NRG3: variants seen among roughly 807,000 people sequenced by gnomAD.
The protein encoded by NRG3 is pro-neuregulin-3, membrane-bound isoform.
Under a neutral mutation model 66.9 loss-of-function variants are expected in NRG3, and 31 were observed. That is an observed-to-expected ratio of 0.46 (90% CI 0.35 to 0.63). The LOEUF is 0.63. Among genes scored for constraint, NRG3 ranks in the 20% least tolerant of loss-of-function variants. NRG3 has a pLI of 0.00. For missense variants in NRG3, 910 were observed against 878.9 expected, an observed-to-expected ratio of 1.04 and a Z score of -0.45; for synonymous variants, 393 against 359.4, an observed-to-expected ratio of 1.09 and a Z score of -1.06.
At chr10:82,013,918 A>G (rs2061682214) in intron 1 of NRG3, among the ~76,000 whole-genome samples, 1 of 152,202 alleles carries the variant, frequency 6.6e-6, no homozygotes, top group Non-Finnish European at 1.5e-5. Flanking sequence ...ATAAATTAAC[A>G]AACTTTAATA....
At chr10:82,487,885 A>T (rs1478653597) in intron 2 of NRG3, among the ~76,000 whole-genome samples, 1 of 152,202 alleles carries the variant, frequency 6.6e-6, no homozygotes, top group Admixed American at 6.5e-5. Context: ...TATATTGATT[A>T]CAGTCTCTTT....
chr10:82,343,297 A>G (rs2082779356), intron 1 of NRG3, among the ~76,000 whole-genome samples: 1 of 152,140 alleles, frequency 6.6e-6, no homozygotes, highest in Non-Finnish European at 1.5e-5. Context: ...CAAGAACTCA[A>G]TCCTATTTAC....
At chr10:82,756,202 A>T (rs1408292044) in intron 3 of NRG3, among the ~76,000 whole-genome samples, 2 of 151,990 alleles carry the variant, frequency 1.3e-5, no homozygotes, top group African/African-American at 4.8e-5. Context: ...GTGAGCTCTT[A>T]TCCATCATTC....
chr10:81,921,169 CAAAT>C (rs1212729001), intron 1 of NRG3, among the ~76,000 whole-genome samples: 1 of 151,712 alleles, frequency 6.6e-6, no homozygotes, highest in East Asian at 1.9e-4. Context: ...AATAAATAAA[CAAAT>C]AAAAGCCTTT....
At chr10:82,474,050 G>C (rs1370030437) in intron 2 of NRG3, among the ~76,000 whole-genome samples, 1 of 152,018 alleles carries the variant, frequency 6.6e-6, no homozygotes, top group African/African-American at 2.4e-5. Context: ...TACATGTTCA[G>C]AACAGTCCCT....
intron 1 of NRG3, among the ~76,000 whole-genome samples, chr10:81,964,930 T>C (rs1156359148): frequency 6.6e-6 from 1 of 152,246 alleles, no homozygotes; most frequent in African/African-American, 2.4e-5. Flanking sequence ...GAAGTGTATA[T>C]GTTTTCTTGA....
At chr10:82,412,878 A>T (rs1345072342) in intron 2 of NRG3, among the ~76,000 whole-genome samples, 1 of 152,154 alleles carries the variant, frequency 6.6e-6, no homozygotes, top group Non-Finnish European at 1.5e-5. Context: ...CTAAGAAACA[A>T]TGCATTATTT....
intron 1 of NRG3, among the ~76,000 whole-genome samples, chr10:82,113,900 AT>A (rs1193545050): frequency 6.6e-6 from 1 of 152,190 alleles, no homozygotes; most frequent in Non-Finnish European, 1.5e-5. Context: ...ATTTACAAAG[AT>A]CTTAAATATT....
chr10:82,891,539 G>A (rs1591844634), intron 4 of NRG3, among the ~76,000 whole-genome samples: 1 of 151,536 alleles, frequency 6.6e-6, no homozygotes, highest in Admixed American at 6.6e-5. Context: ...TAGTTTTTTT[G>A]ATGTTATTGT....
intron 3 of NRG3, among the ~76,000 whole-genome samples, chr10:82,817,806 A>C (rs2061778561): frequency 6.6e-6 from 1 of 152,226 alleles, no homozygotes; most frequent in Admixed American, 6.5e-5. Context: ...AGCAGCTTTT[A>C]CATGGTAGCT....
chr10:82,938,107 CTGAT>C (rs566114324), intron 4 of NRG3, among the ~76,000 whole-genome samples: 7 of 152,084 alleles, frequency 4.6e-5, no homozygotes, highest in Admixed American at 3.9e-4. Context: ...CCTTGATTGA[CTGAT>C]TGATTGATTG....
chr10:82,225,849 T>C (rs2076139647), intron 1 of NRG3, among the ~76,000 whole-genome samples: 1 of 152,184 alleles, frequency 6.6e-6, no homozygotes, highest in Admixed American at 6.5e-5. Context: ...GTTATTTGTG[T>C]TTTAATTCTA....
intron 1 of NRG3, among the ~76,000 whole-genome samples, chr10:81,883,363 T>C (rs939109448): frequency 6.6e-6 from 1 of 152,224 alleles, no homozygotes; most frequent in Non-Finnish European, 1.5e-5. Flanking sequence ...TATAAGCTTT[T>C]ATTTCTCAAG....
intron 1 of NRG3, among the ~76,000 whole-genome samples, chr10:81,958,853 T>C (rs1052068780): frequency 6.6e-6 from 1 of 151,788 alleles, no homozygotes; most frequent in Admixed American, 6.6e-5. Flanking sequence ...CAAGCCCCAC[T>C]ACACTCCAGC....
intron 2 of NRG3, among the ~76,000 whole-genome samples, chr10:82,374,310 G>T (rs549170926): frequency 2.6e-5 from 4 of 152,280 alleles, no homozygotes; most frequent in African/African-American, 9.6e-5. Flanking sequence ...CAGAGGGAAG[G>T]TCGCTTCCTC....
intron 4 of NRG3, among the ~76,000 whole-genome samples, chr10:82,903,798 G>A (rs1844462034): frequency 6.6e-6 from 1 of 152,122 alleles, no homozygotes; most frequent in South Asian, 2.1e-4. Context: ...AATTTGATGG[G>A]AGTTAAAAGT....
intron 2 of NRG3, among the ~76,000 whole-genome samples, chr10:82,530,023 A>G (rs541737322): frequency 6.6e-6 from 1 of 152,284 alleles, no homozygotes; most frequent in Non-Finnish European, 1.5e-5. Context: ...TAAGGCCAAT[A>G]TGGGAATTTC....
chr10:82,197,160 T>C (rs1437685900), intron 1 of NRG3, among the ~76,000 whole-genome samples: 1 of 152,190 alleles, frequency 6.6e-6, no homozygotes. Flanking sequence ...ACAGGAAGTT[T>C]TGGGAGGCAG....
At chr10:82,090,087 A>G (rs1249429352) in intron 1 of NRG3, among the ~76,000 whole-genome samples, 9 of 152,222 alleles carry the variant, frequency 5.9e-5, no homozygotes. Flanking sequence ...GACATTACAT[A>G]CTGTAGTGAA....
Sources: gnomAD v4.1 joint callset for allele counts (sites outside exome capture counted in the v4.1 genomes callset) on GRCh38, gnomAD v4.1.1 for gene constraint, MANE v1.5 for transcripts, NCBI Gene and HGNC (gene_info 2026-07-23, HGNC 2026-07-21) for gene names.